UBN2: variants seen among roughly 807,000 people sequenced by gnomAD.
The protein encoded by UBN2 is ubinuclein 2.
In UBN2, 35 loss-of-function variants were observed where a neutral mutation model predicts 120.2. The ratio of observed to expected loss-of-function variants is 0.29; its 90% CI spans 0.22 to 0.39. The LOEUF (loss-of-function observed/expected upper bound fraction) is 0.39. Among genes scored for constraint, UBN2 ranks in the 10% least tolerant of loss-of-function variants. The probability of loss-of-function intolerance (pLI) is 1.00; values close to 1 mark genes in which losing one functional copy is unlikely to be tolerated. For missense variants in UBN2, 1,693 were observed against 1,663.2 expected (o/e 1.02, Z -0.31); for synonymous variants, 661 against 648.7 (o/e 1.02, Z -0.29).
intron 7 of UBN2, among the ~76,000 whole-genome samples, chr7:139,268,000 A>G (rs1027281227): frequency 5.3e-5 from 8 of 151,972 alleles, no homozygotes; most frequent in Admixed American, 3.3e-4. Flanking sequence ...TTTTCTTTCC[A>G]CCTGGGAACC....
intron 1 of UBN2, among the ~76,000 whole-genome samples, chr7:139,235,220 A>G (rs1371176823): frequency 4.6e-5 from 7 of 152,156 alleles, no homozygotes; most frequent in African/African-American, 1.7e-4. Context: ...TGGGCTTCAC[A>G]GTGCAAGAGG....
In UBN2 at chr7:139,231,588, C is replaced by G. The variant is rs776005117; in HGVS notation, c.104C>G (p.Pro35Arg). 12 of 1,394,148 alleles carry G rather than the reference C, an allele frequency of 8.6e-6. No homozygotes were observed. The highest frequency in any genetic ancestry group is 3.1e-5 in the East Asian group (1 of 32,682). The allele number at this position is 1,394,148 out of a possible 1,614,324, so 86.4% of individuals were successfully genotyped here. ...CGTGAGCCCGAGTACCCCCGCGAGC[C>G]CCCCCGGCTGGAGCCGCAGCCGTAC... ...PEREPEYPRE[P>R]PRLEPQPYRE... is the part of the protein sequence containing the mutation. The change falls in exon 1 of 18, where the codon CCC (proline) becomes CGC (arginine). Residue 35 changes from proline to arginine, a missense_variant. This residue lies in a region of UBN2 where 663 missense variants were observed against 591.2 expected (regional missense o/e 1.12). Coordinates refer to ENST00000473989, the MANE Select transcript of UBN2 (RefSeq NM_173569.4).
At chr7:139,262,968 A>G (rs897811663) in intron 6 of UBN2, among the ~76,000 whole-genome samples, 1 of 152,156 alleles carries the variant, frequency 6.6e-6, no homozygotes, top group Non-Finnish European at 1.5e-5. Flanking sequence ...GCAGGAACCA[A>G]TCCTGTGTGT....
intron 15 of UBN2, among the ~76,000 whole-genome samples, chr7:139,287,917 A>C (rs184294940): frequency 7.9e-4 from 120 of 152,296 alleles, no homozygotes; most frequent in Non-Finnish European, 1.2e-3. Flanking sequence ...GTGTCTGCTC[A>C]TTTGCAGAGT....
chr7:139,325,385 A>T, the UBN2 span, among the ~76,000 whole-genome samples: 60 of 148,902 alleles, frequency 4.0e-4, 1 homozygote, highest in African/African-American at 1.5e-3. Flanking sequence ...CTCCTGCCTC[A>T]GCCTCCTGAG....
the UBN2 span, among the ~76,000 whole-genome samples, chr7:139,318,119 T>G: frequency 6.6e-6 from 1 of 152,202 alleles, no homozygotes; most frequent in African/African-American, 2.4e-5. Context: ...TCTGTCTTGT[T>G]CCATTCCGGT....
At chr7:139,241,280 G>A (rs905554433) in intron 2 of UBN2, among the ~76,000 whole-genome samples, 1 of 152,038 alleles carries the variant, frequency 6.6e-6, no homozygotes, top group Non-Finnish European at 1.5e-5. Flanking sequence ...TCCTAGAATT[G>A]GATATAAATT....
chr7:139,312,418 A>G (rs1270750305), downstream of UBN2, among the ~76,000 whole-genome samples: 4 of 152,212 alleles, frequency 2.6e-5, no homozygotes, highest in Non-Finnish European at 2.9e-5. Flanking sequence ...ACCACATTAT[A>G]CATACCTGTT....
At chr7:139,265,130 A>G (rs1370451958) in intron 6 of UBN2, among the ~76,000 whole-genome samples, 1 of 152,132 alleles carries the variant, frequency 6.6e-6, no homozygotes, top group Non-Finnish European at 1.5e-5. Flanking sequence ...ATTTGATTCT[A>G]AAGACTCTTA....
intron 15 of UBN2, among the ~76,000 whole-genome samples, chr7:139,286,022 G>T (rs1213047655): frequency 6.6e-6 from 1 of 152,190 alleles, no homozygotes; most frequent in African/African-American, 2.4e-5. Flanking sequence ...CACCTCCCAG[G>T]TTCAAGCAGT....
intron 2 of UBN2, 79 bp downstream of exon 2, chr7:139,237,176 A>T (rs554871534): frequency 2.9e-5 from 27 of 936,226 alleles, no homozygotes; most frequent in Non-Finnish European, 4.1e-5. Flanking sequence ...GGGAGGGCCT[A>T]TAAATATCCG....
chr7:139,265,873 G>C lies in UBN2; in HGVS notation c.1396-460G>C, dbSNP rs1797082432. On this transcript the variant is annotated intron_variant, in intron 6 of 17. Coordinates refer to ENST00000473989, the MANE Select transcript of UBN2 (RefSeq NM_173569.4). ...CTGCTGACACCTTCATTTCAGCCCG[G>C]TGATATTGACTTTGGACTTTGGACT... Among the ~76,000 whole-genome samples the C allele has an allele frequency of 2.0e-5, 3 of 152,126 alleles. 1 individual carries two copies. Among genetic ancestry groups the C allele is most frequent in the Admixed American group, 2.0e-4 (3 of 15,266 alleles).
At chr7:139,276,367 T>C in intron 12 of UBN2, 1 of 519,328 alleles carries the variant, frequency 1.9e-6, no homozygotes, top group Non-Finnish European at 3.4e-6. Flanking sequence ...GGCCTGGGAT[T>C]CTGGTAGTAG....
chr7:139,278,413 C>T (rs921016028), intron 12 of UBN2, among the ~76,000 whole-genome samples: 2 of 152,004 alleles, frequency 1.3e-5, no homozygotes, highest in Non-Finnish European at 2.9e-5. Context: ...AACTCCTGGC[C>T]TCACGTGATC....
At chr7:139,248,365 G>A (rs1013856535) in intron 2 of UBN2, among the ~76,000 whole-genome samples, 1 of 152,082 alleles carries the variant, frequency 6.6e-6, no homozygotes, top group Non-Finnish European at 1.5e-5. Context: ...CTTTCCAAAA[G>A]GGTTTTATTG....
chr7:139,302,596 A>T lies in UBN2; in HGVS notation c.*4760A>T, dbSNP rs1446259011. The T allele has an allele frequency of 6.6e-6, 1 of 152,282 alleles. No homozygotes were observed. The highest frequency in any genetic ancestry group is 2.4e-5 in the African/African-American group (1 of 41,444). 9.4% of individuals were successfully genotyped at this position (152,282 alleles called of 1,614,324 possible). On this transcript the variant is annotated 3_prime_UTR_variant, in exon 18 of 18. Transcript: ENST00000473989. ...GCTACTTGGGAGGCTGAGGCAGGAGAATGACATAAACCCGGGAGGCGGAAG... is the reference window on the plus strand; with the variant it reads ...GCTACTTGGGAGGCTGAGGCAGGAGTATGACATAAACCCGGGAGGCGGAAG...
the UBN2 span, among the ~76,000 whole-genome samples, chr7:139,323,433 C>G: frequency 6.6e-6 from 1 of 152,146 alleles, no homozygotes; most frequent in Non-Finnish European, 1.5e-5. Flanking sequence ...CTGAGGTTCA[C>G]AGCATATTTT....
At chr7:139,297,029 A>T (rs550469942) in intron 17 of UBN2, among the ~76,000 whole-genome samples, 1 of 152,174 alleles carries the variant, frequency 6.6e-6, no homozygotes, top group African/African-American at 2.4e-5. Flanking sequence ...CCCTGTCTCT[A>T]CTAAAAATAC....
At chr7:139,280,297 A>G (rs1797568897) in intron 13 of UBN2, among the ~76,000 whole-genome samples, 1 of 152,238 alleles carries the variant, frequency 6.6e-6, no homozygotes. Context: ...ACATAAAATA[A>G]TTTGACTGAA....
Sources: allele counts gnomAD v4.1 joint callset (sites outside exome capture counted in the v4.1 genomes callset), GRCh38; gene constraint gnomAD v4.1.1; regional missense constraint gnomAD v4.1.1; transcripts MANE v1.5; gene names NCBI Gene and HGNC (gene_info 2026-07-23, HGNC 2026-07-21).